The following GPHN variants were observed in gnomAD, a reference collection of about 807,000 sequenced individuals.
The protein encoded by GPHN is gephyrin.
GPHN carries 17 observed loss-of-function variants against 95.5 expected under a neutral mutation model. That is an observed-to-expected ratio of 0.18 (90% confidence interval 0.12 to 0.27). GPHN has a LOEUF of 0.27. Ranked by LOEUF, GPHN falls within the 10% of genes least tolerant of loss-of-function variation. The pLI is 1.00. For synonymous variants in GPHN, 320 were observed against 322.5 expected (o/e 0.99, Z 0.08); for missense variants, 660 against 978.1 (o/e 0.67, Z 4.34).
At chr14:67,464,514 G>A in the GPHN span, among the ~76,000 whole-genome samples, 775 of 150,892 alleles carry the variant, frequency 5.1e-3, 11 homozygotes, top group African/African-American at 0.018. Context: ...CCTCACCCTC[G>A]CCCCCACCAC....
the GPHN span, among the ~76,000 whole-genome samples, chr14:67,325,761 A>G: frequency 6.6e-6 from 1 of 151,910 alleles, no homozygotes; most frequent in South Asian, 2.1e-4. Flanking sequence ...AGGATTTGCT[A>G]TCATATGAAG....
the GPHN span, among the ~76,000 whole-genome samples, chr14:67,547,512 T>G: frequency 6.6e-6 from 1 of 152,194 alleles, no homozygotes; most frequent in Non-Finnish European, 1.5e-5. Flanking sequence ...CTACACGCAC[T>G]GGGAGGAGCC....
chr14:67,246,656 T>TG, the GPHN span, among the ~76,000 whole-genome samples: 5 of 147,878 alleles, frequency 3.4e-5, no homozygotes, highest in African/African-American at 1.0e-4. Context: ...TAGGTTTTTT[T>TG]TTTTTTTTTT....
chr14:67,680,913 T>A, the GPHN span, among the ~76,000 whole-genome samples: 2 of 152,224 alleles, frequency 1.3e-5, no homozygotes, highest in Admixed American at 1.3e-4. Context: ...GATACTGGCA[T>A]AAGGACAGAC....
At chr14:66,750,255 A>G (rs1566903311) in intron 2 of GPHN, among the ~76,000 whole-genome samples, 7 of 151,786 alleles carry the variant, frequency 4.6e-5, no homozygotes, top group Admixed American at 3.3e-4. Flanking sequence ...AATTTTTGTG[A>G]AGGCTGTCAG....
At chr14:67,221,678 A>G in the GPHN span, 2 of 1,537,420 alleles carry the variant, frequency 1.3e-6, no homozygotes, top group South Asian at 1.2e-5. Flanking sequence ...CTACCCACAG[A>G]GCATTTAAAG....
intron 1 of GPHN, among the ~76,000 whole-genome samples, chr14:66,538,976 T>G (rs1451424636): frequency 6.6e-6 from 1 of 152,128 alleles, no homozygotes. Context: ...AGAGTTTTAT[T>G]AGGGTCAGTC....
chr14:67,028,262 T>C (rs2074024166), intron 10 of GPHN, among the ~76,000 whole-genome samples: 1 of 152,182 alleles, frequency 6.6e-6, no homozygotes, highest in South Asian at 2.1e-4. Context: ...TTTATCCAGT[T>C]ATTTATTGAT....
intron 2 of GPHN, among the ~76,000 whole-genome samples, chr14:66,721,342 A>T (rs949608196): frequency 6.6e-6 from 1 of 152,236 alleles, no homozygotes; most frequent in Non-Finnish European, 1.5e-5. Flanking sequence ...GTGGCTAATG[A>T]TATTTTAACA....
At chr14:67,595,358 C>A in the GPHN span, among the ~76,000 whole-genome samples, 2 of 152,132 alleles carry the variant, frequency 1.3e-5, no homozygotes, top group Non-Finnish European at 2.9e-5. Context: ...TCCGCATCAT[C>A]CTAAAGTCAA....
chr14:66,910,952 G>A (rs2153555266), intron 5 of GPHN, among the ~76,000 whole-genome samples: 1 of 152,110 alleles, frequency 6.6e-6, no homozygotes, highest in Middle Eastern at 3.4e-3. Flanking sequence ...TATCAGCATG[G>A]AGGAGTTTCA....
intron 21 of GPHN, among the ~76,000 whole-genome samples, chr14:67,173,319 C>T (rs1464359735): frequency 6.6e-6 from 1 of 152,110 alleles, no homozygotes; most frequent in African/African-American, 2.4e-5. Flanking sequence ...CTATATCTTC[C>T]CATTGTGGAG....
intron 2 of GPHN, among the ~76,000 whole-genome samples, chr14:66,714,826 C>G (rs1329584189): frequency 6.6e-6 from 1 of 152,054 alleles, no homozygotes; most frequent in African/African-American, 2.4e-5. Context: ...GGTATGAAAC[C>G]CACTTGATCA....
At chr14:67,227,058 C>G in the GPHN span, among the ~76,000 whole-genome samples, 1 of 152,116 alleles carries the variant, frequency 6.6e-6, no homozygotes, top group African/African-American at 2.4e-5. Flanking sequence ...AACAAAATTT[C>G]AAATATTAGG....
At chr14:67,089,384 G>C (rs1264878375) in intron 12 of GPHN, among the ~76,000 whole-genome samples, 1 of 151,774 alleles carries the variant, frequency 6.6e-6, no homozygotes, top group East Asian at 1.9e-4. Flanking sequence ...TATTTATGGG[G>C]TACATGAGAT....
chr14:67,712,278 C>T, the GPHN span, among the ~76,000 whole-genome samples: 2 of 151,896 alleles, frequency 1.3e-5, no homozygotes, highest in Non-Finnish European at 2.9e-5. Context: ...ACACTGAATC[C>T]TGGGTCTCCA....
chr14:66,997,338 GC>G (rs995953881), intron 9 of GPHN, among the ~76,000 whole-genome samples: 15 of 146,144 alleles, frequency 1.0e-4, no homozygotes, highest in African/African-American at 3.6e-4. Context: ...TTGCACTCTA[GC>G]CTGGGCGATA....
intron 1 of GPHN, among the ~76,000 whole-genome samples, chr14:66,585,224 C>T (rs573507524): frequency 1.7e-3 from 258 of 152,224 alleles, no homozygotes; most frequent in South Asian, 2.9e-3. Context: ...TCTGTGGGAT[C>T]GGTGATGATA....
chr14:67,526,755 A>C, the GPHN span, among the ~76,000 whole-genome samples: 1 of 152,062 alleles, frequency 6.6e-6, no homozygotes, highest in Non-Finnish European at 1.5e-5. Context: ...CAAACAAGCC[A>C]TCCTGGCCAC....
Sources: gnomAD v4.1 joint callset for allele counts (sites outside exome capture counted in the v4.1 genomes callset) on GRCh38, gnomAD v4.1.1 for gene constraint, MANE v1.5 for transcripts, NCBI Gene and HGNC (gene_info 2026-07-23, HGNC 2026-07-21) for gene names.